Variants in LILRB4 observed in about 807,000 individuals in gnomAD.
The protein encoded by LILRB4 is leukocyte immunoglobulin-like receptor subfamily B member 4.
In LILRB4, 49 loss-of-function variants were observed where a neutral mutation model predicts 55.2. The ratio of observed to expected loss-of-function variants is 0.89; its 90% CI spans 0.71 to 1.13. LILRB4 has a LOEUF of 1.13. Ranked by LOEUF, LILRB4 falls within the 50% of genes most tolerant of loss-of-function variation. The probability of loss-of-function intolerance (pLI) is 0.00; values close to 1 mark genes in which losing one functional copy is unlikely to be tolerated. For missense variants in LILRB4, 590 were observed against 555.2 expected (o/e 1.06, Z -0.63); for synonymous variants, 229 against 213.8 (o/e 1.07, Z -0.62).
exon 12 of LILRB4, chr19:54,668,155 T>C (rs138149581): frequency 4.1e-6 from 4 of 970,738 alleles, no homozygotes; most frequent in African/African-American, 1.6e-5. Context: ...TCCGGGAACG[T>C]TGGGAGTCAC....
chr19:54,664,200 C>G (rs755244063), exon 4 of LILRB4: 2 of 1,613,306 alleles, frequency 1.2e-6, no homozygotes, highest in Admixed American at 3.3e-5. Context: ...CTACAGTAAA[C>G]CCACCCTTTC....
At chr19:54,667,123 A>G (rs1396380300) in intron 10 of LILRB4, 11 of 592,212 alleles carry the variant, frequency 1.9e-5, no homozygotes, top group Non-Finnish European at 3.6e-5. Context: ...AGCTGCAGAC[A>G]CAGCAGGGAG....
rs1278117243 is a variant in LILRB4 at position 54,667,626 on chromosome 19, T to C, written c.1042-12T>C. On this transcript the variant is annotated splice_polypyrimidine_tract_variant and intron_variant, in intron 10 of 11. Transcript: ENST00000430952. ...TTCAAGGACACCCCCCACCACTGTC[T>C]CTCTCCAGCAGAGCCCACACGATGA... 2.6e-5 allele frequency: 42 copies of C among 1,610,236 alleles called. No individual in the cohort carries two copies. The highest frequency in any genetic ancestry group is 3.5e-5 in the Non-Finnish European group (41 of 1,179,342).
At chr19:54,663,563 G>A in exon 2 of LILRB4, 3 of 1,613,466 alleles carry the variant, frequency 1.9e-6, no homozygotes, top group East Asian at 2.2e-5. Flanking sequence ...CCCACATGCA[G>A]GCAGGTGAGT....
chr19:54,663,211 C>CT (rs2065083367), intron 1 of LILRB4, 144 bp downstream of exon 1: 1 of 942,606 alleles, frequency 1.1e-6, no homozygotes, highest in African/African-American at 1.7e-5. Context: ...CTTTGGGAGG[C>CT]CGAGGCGGGC....
chr19:54,667,457 T>A (rs539390778), intron 10 of LILRB4, 178 bp from the exon 11 acceptor site: 1 of 1,289,290 alleles, frequency 7.8e-7, no homozygotes, highest in South Asian at 1.6e-5. Context: ...AAGGTCAGAG[T>A]GAGGAGCAGA....
In LILRB4 at chr19:54,665,192, G is replaced by A; in HGVS notation, c.757+12G>A. 1 of 1,590,336 alleles carries A rather than the reference G, an allele frequency of 6.3e-7. No individual in the cohort carries two copies. The highest frequency in any genetic ancestry group is 1.7e-5 in the Admixed American group (1 of 57,762). Reference sequence around the variant, plus strand: ...AGTCCCCCACAGTGGTGAGTGAGGGGCTCTGAGTGGGAGGTGGGCAGGGTC... The same window carrying A: ...AGTCCCCCACAGTGGTGAGTGAGGGACTCTGAGTGGGAGGTGGGCAGGGTC... On this transcript the variant is annotated intron_variant, in intron 6 of 11. Transcript: ENST00000430952. The surrounding 1 kb of genome is among the most constrained non-coding windows in gnomAD (Gnocchi z 5.5).
chr19:54,664,605 G>T, intron 4 of LILRB4, 120 bp downstream of exon 4: 1 of 1,163,646 alleles, frequency 8.6e-7, no homozygotes, highest in Non-Finnish European at 1.2e-6. Context: ...TCAGCCCTCA[G>T]AGGGGAGGAG....
intron 3 of LILRB4, 54 bp from the exon 4 acceptor site, chr19:54,664,132 G>A (rs373754632): frequency 1.3e-6 from 2 of 1,590,980 alleles, no homozygotes; most frequent in African/African-American, 2.7e-5. Flanking sequence ...CCAGCCCTGG[G>A]GATGATGTGG....
At chr19:54,663,649 G>A in intron 2 of LILRB4, 82 bp downstream of exon 2, 1 of 1,611,298 alleles carries the variant, frequency 6.2e-7, no homozygotes, top group East Asian at 2.2e-5. Context: ...GGAGGAGACA[G>A]CAGTTCTGGG....
At chr19:54,667,022 A>T (rs2065306132) in intron 10 of LILRB4, 2 of 675,958 alleles carry the variant, frequency 3.0e-6, no homozygotes, top group South Asian at 3.0e-5. Flanking sequence ...ATGACGAATA[A>T]ATGAACCACT....
chr19:54,664,791 C>A lies in LILRB4; in HGVS notation c.656-8C>A. 1 of 1,573,168 alleles carries A rather than the reference C, an allele frequency of 6.4e-7. No individual in the cohort carries two copies. Among genetic ancestry groups the A allele is most frequent in the South Asian group, 1.2e-5 (1 of 84,750 alleles). On this transcript the variant is annotated splice_region_variant and splice_polypyrimidine_tract_variant and intron_variant, in intron 4 of 11. Coordinates refer to ENST00000430952, the Ensembl canonical transcript of LILRB4. ...AGACTCTCACCCTCCTCTTGTCCTT[C>A]TACCCAGGATCCTTGGAGGGTCCCA...
At position 54,666,446 on chromosome 19, in the gene LILRB4, A is replaced by T. The variant is rs773979844; in HGVS notation, c.988+10A>T. On this transcript the variant is annotated intron_variant, in intron 9 of 11. Coordinates refer to ENST00000430952, the Ensembl canonical transcript of LILRB4. This position sits in a 1 kb window ranked among gnomAD's most constrained non-coding sequence, Gnocchi z 4.8. ...CAGGGAGAAAACTTCTGTGAGTGAG[A>T]GGCAGAGAAGGTGCACCTGGGGTGG... is the stretch of plus-strand genomic sequence containing the variant. 6.2e-7 allele frequency: 1 copy of T among 1,614,076 alleles called. No individual in the cohort carries two copies. Among genetic ancestry groups the T allele is most frequent in the East Asian group, 2.2e-5 (1 of 44,884 alleles).
chr19:54,667,146 C>T (rs527865146), intron 10 of LILRB4: 442 of 575,172 alleles, frequency 7.7e-4, no homozygotes, highest in Admixed American at 1.5e-3. Flanking sequence ...AAGCCGCCCC[C>T]GCCTCCTGAG....
intron 10 of LILRB4, 134 bp from the exon 11 acceptor site, chr19:54,667,501 T>C: frequency 1.3e-6 from 2 of 1,489,636 alleles, no homozygotes; most frequent in Non-Finnish European, 1.8e-6. Flanking sequence ...GGCCAGACCC[T>C]CCACGGCCTT....
chr19:54,663,921 A>T lies in LILRB4; in HGVS notation c.238A>T (p.Lys80Ter), dbSNP rs762366501. 3 of 1,614,134 alleles carry T rather than the reference A, an allele frequency of 1.9e-6. No homozygotes were observed. In the East Asian group the frequency reaches 6.7e-5, roughly 36 times the overall value. The change falls in exon 3 of 12, where the codon AAG becomes TAG. Residue 80 changes from lysine to a stop codon, truncating the protein, a stop_gained. Transcript: ENST00000430952. LOFTEE classifies it high-confidence loss of function. ...ACAGAACCCACTGGAGCCCAAGAAC[A>T]AGGCCAGATTCTCCATCCCATCCAT...
At chr19:54,663,036 G>C (rs776407698) in exon 1 of LILRB4, 2 of 1,613,944 alleles carry the variant, frequency 1.2e-6, no homozygotes, top group Non-Finnish European at 8.5e-7. Context: ...GAGACGCCAT[G>C]ATCCCCACCT....
At chr19:54,664,655 C>T in intron 4 of LILRB4, 144 bp from the exon 5 acceptor site, 1 of 977,904 alleles carries the variant, frequency 1.0e-6, no homozygotes, top group Non-Finnish European at 1.5e-6. Context: ...TGCTCTTCTC[C>T]CTCACCTAGG....
chr19:54,663,811 A>G, exon 3 of LILRB4: 1 of 1,614,064 alleles, frequency 6.2e-7, no homozygotes, highest in Non-Finnish European at 8.5e-7. Flanking sequence ...AGCTGGGGGA[A>G]CTCTGTGACC....
Sources: allele counts gnomAD v4.1 joint callset, GRCh38; gene constraint gnomAD v4.1.1; non-coding constraint Gnocchi (gnomAD v3.1); transcripts MANE v1.5; gene names NCBI Gene and HGNC (gene_info 2026-07-23, HGNC 2026-07-21).